Variants in PLXNA4 observed in about 807,000 individuals in gnomAD.
PLXNA4 encodes plexin-A4.
Under a neutral mutation model 191.8 loss-of-function variants are expected in PLXNA4, and 44 were observed. The ratio of observed to expected loss-of-function variants is 0.23; its 90% CI spans 0.18 to 0.29. PLXNA4 has a LOEUF of 0.29. Among genes scored for constraint, PLXNA4 ranks in the 10% least tolerant of loss-of-function variants. The probability of loss-of-function intolerance (pLI) is 1.00; values close to 1 mark genes in which losing one functional copy is unlikely to be tolerated. For missense variants in PLXNA4, 1,800 were observed against 2,488.8 expected (o/e 0.72, Z 5.89); for synonymous variants, 1,082 against 1,009.5 (o/e 1.07, Z -1.36).
At chr7:132,292,189 C>A (rs1057027121) in intron 4 of PLXNA4, among the ~76,000 whole-genome samples, 2 of 152,308 alleles carry the variant, frequency 1.3e-5, no homozygotes, top group Admixed American at 1.3e-4. Context: ...TTCACGACTA[C>A]TAAAATATGA....
At position 132,138,839 on chromosome 7, in the gene PLXNA4, C is replaced by T. The variant is rs1795186220; in HGVS notation, c.5438+1760G>A. Among the ~76,000 whole-genome samples, 3 of 152,370 alleles carry T rather than the reference C, an allele frequency of 2.0e-5. No individual in the cohort carries two copies. The South Asian group carries it at 6.2e-4, about 32-fold the overall frequency. ...ATGAGCCTCAGCTCTGACTATGCAG[C>T]CTGTTCCTGGGAAGTGTCCTTTATG... On this transcript the variant is annotated intron_variant, in intron 30 of 31. Transcript: ENST00000321063.
chr7:132,127,811 T>G lies in PLXNA4; in HGVS notation c.*2668A>C, dbSNP rs1224340901. ...CTCCTCTTTCTTCCTAACCTTTCTA[T>G]TTCTCTGAGGTGTTTGAAATTTTTC... On this transcript the variant is annotated 3_prime_UTR_variant, in exon 32 of 32. Transcript: ENST00000321063. The G allele has an allele frequency of 6.6e-6, 1 of 152,076 alleles. No individual in the cohort carries two copies. Among genetic ancestry groups the G allele is most frequent in the Non-Finnish European group, 1.5e-5 (1 of 68,006 alleles). The allele number at this position is 152,076 out of a possible 1,614,324, so 9.4% of individuals were successfully genotyped here. A position where few individuals can be genotyped will look rare whatever the true frequency, so the allele number is the denominator to read the frequency against.
chr7:132,157,676 C>A (rs1022688602), intron 25 of PLXNA4, among the ~76,000 whole-genome samples: 1 of 152,212 alleles, frequency 6.6e-6, no homozygotes, highest in African/African-American at 2.4e-5. Flanking sequence ...TCTCCTCCCA[C>A]CTGAATTGCA....
chr7:132,308,344 T>C (rs1025751820), intron 3 of PLXNA4, among the ~76,000 whole-genome samples: 1 of 152,172 alleles, frequency 6.6e-6, no homozygotes, highest in East Asian at 1.9e-4. Flanking sequence ...ATAGCCTGCA[T>C]CCTAAAATCT....
rs1801991759 is a variant in PLXNA4, at chr7:132,317,491, G to A, written c.1372-19269C>T. On this transcript the variant is annotated intron_variant, in intron 3 of 31. Coordinates refer to ENST00000321063, the MANE Select transcript of PLXNA4 (RefSeq NM_020911.2). ...GATTGGGTTGAATTTGATTGGATTG[G>A]GTTGTGTTGTGTTCAGTTGGATTGA... 2.6e-5 allele frequency among the ~76,000 whole-genome samples: 4 copies of A among 152,024 alleles called. No individual in the cohort carries two copies. In the South Asian group the frequency reaches 8.3e-4, roughly 32 times the overall value.
At chr7:132,593,480 T>C (rs76850240) in intron 2 of PLXNA4, among the ~76,000 whole-genome samples, 2 of 152,286 alleles carry the variant, frequency 1.3e-5, no homozygotes, top group East Asian at 1.9e-4. Context: ...TAGGCAAAGA[T>C]GGAACTTACT....
chr7:132,347,981 G>A (rs572292206), intron 3 of PLXNA4, among the ~76,000 whole-genome samples: 3 of 152,282 alleles, frequency 2.0e-5, no homozygotes, highest in South Asian at 2.1e-4. Flanking sequence ...ACAGCTGTGG[G>A]AGAAAGGATG....
chr7:132,216,388 A>G (rs1797962435), intron 9 of PLXNA4, among the ~76,000 whole-genome samples: 1 of 152,210 alleles, frequency 6.6e-6, no homozygotes, highest in East Asian at 1.9e-4. Flanking sequence ...TGTGGCATTC[A>G]GCAAACCAGT....
intron 3 of PLXNA4, among the ~76,000 whole-genome samples, chr7:132,349,634 C>T (rs1042108467): frequency 4.6e-5 from 7 of 152,194 alleles, no homozygotes; most frequent in South Asian, 2.1e-4. Context: ...AATGAAGCTA[C>T]AGGCTGCTTC....
At chr7:132,171,474 C>T (rs1200232766) in intron 21 of PLXNA4, among the ~76,000 whole-genome samples, 1 of 152,222 alleles carries the variant, frequency 6.6e-6, no homozygotes, top group Non-Finnish European at 1.5e-5. Flanking sequence ...TCTCTAAAGC[C>T]TTCCCGTGCA....
At chr7:132,215,801 G>A (rs911757448) in intron 9 of PLXNA4, among the ~76,000 whole-genome samples, 1 of 152,236 alleles carries the variant, frequency 6.6e-6, no homozygotes, top group Non-Finnish European at 1.5e-5. Context: ...ACAGGGTGGT[G>A]TCCAGAGAGG....
At chr7:132,493,040 T>C (rs996369576) in intron 2 of PLXNA4, among the ~76,000 whole-genome samples, 5 of 152,144 alleles carry the variant, frequency 3.3e-5, no homozygotes, top group Non-Finnish European at 7.4e-5. Flanking sequence ...CCAGGGCCTG[T>C]AGACCTGGGA....
At chr7:132,168,184 G>T in intron 22 of PLXNA4, 120 bp downstream of exon 22, 1 of 1,357,418 alleles carries the variant, frequency 7.4e-7, no homozygotes. Flanking sequence ...GGGCTAGTTA[G>T]TGACTTGAAC....
chr7:132,383,322 C>A (rs1255498809), intron 3 of PLXNA4, among the ~76,000 whole-genome samples: 1 of 152,176 alleles, frequency 6.6e-6, no homozygotes, highest in African/African-American at 2.4e-5. Context: ...CACCCTCAGA[C>A]TTAAATGCTA....
intron 11 of PLXNA4, 60 bp from the exon 12 acceptor site, chr7:132,202,896 G>A: frequency 7.0e-7 from 1 of 1,429,656 alleles, no homozygotes; most frequent in South Asian, 1.5e-5. Context: ...GACAGAAGGG[G>A]CCCAGAGAGA....
At chr7:132,148,806 G>A (rs549798991) in intron 25 of PLXNA4, among the ~76,000 whole-genome samples, 160 bp from the exon 26 acceptor site, 1 of 152,132 alleles carries the variant, frequency 6.6e-6, no homozygotes, top group African/African-American at 2.4e-5. Flanking sequence ...AGCTCTCAAC[G>A]CAGAGAGGCC....
chr7:132,521,914 G>A (rs1270897278), intron 1 of PLXNA4, among the ~76,000 whole-genome samples: 4 of 152,190 alleles, frequency 2.6e-5, no homozygotes, highest in Admixed American at 1.3e-4. Flanking sequence ...CAGGTGACAG[G>A]AATACAGAAA....
intron 3 of PLXNA4, among the ~76,000 whole-genome samples, chr7:132,428,150 C>T (rs1033259592): frequency 4.6e-5 from 7 of 152,178 alleles, no homozygotes; most frequent in Admixed American, 1.3e-4. Flanking sequence ...TGCCTGCCCC[C>T]ACCAGAGAAC....
intron 2 of PLXNA4, among the ~76,000 whole-genome samples, chr7:132,628,865 T>C (rs1205604625): frequency 3.3e-5 from 5 of 152,248 alleles, no homozygotes; most frequent in African/African-American, 4.8e-5. Flanking sequence ...TTGTTTTCCT[T>C]CTACACTACG....
Sources: allele counts gnomAD v4.1 joint callset (sites outside exome capture counted in the v4.1 genomes callset), GRCh38; gene constraint gnomAD v4.1.1; transcripts MANE v1.5; gene names NCBI Gene and HGNC (gene_info 2026-07-23, HGNC 2026-07-21).